Variants in CCDC73 observed in about 807,000 individuals in gnomAD.
The protein encoded by CCDC73 is coiled-coil domain-containing protein 73.
CCDC73 carries 95 observed loss-of-function variants against 116.5 expected under a neutral mutation model. The observed-to-expected ratio is 0.82, with a 90% confidence interval of 0.69 to 0.97. The LOEUF (loss-of-function observed/expected upper bound fraction) is 0.97, where lower values mean the gene tolerates loss of function less well. CCDC73 is among the 50% of genes least tolerant of loss of function. The pLI, the probability that CCDC73 is intolerant of heterozygous loss-of-function variation, is 0.00. For missense variants in CCDC73, 1,066 were observed against 1,206.8 expected, an observed-to-expected ratio of 0.88 and a Z score of 1.73; for synonymous variants, 398 against 401.3, an observed-to-expected ratio of 0.99 and a Z score of 0.10.
chr11:32,616,220 A>C (rs1855473769), intron 14 of CCDC73, 91 bp from the exon 15 acceptor site: 1 of 1,282,674 alleles, frequency 7.8e-7, no homozygotes, highest in African/African-American at 1.5e-5. Context: ...TCTGTGTTTC[A>C]GTTCAACCAT....
chr11:32,743,820 G>A (rs1850210736), intron 2 of CCDC73, among the ~76,000 whole-genome samples: 1 of 152,078 alleles, frequency 6.6e-6, no homozygotes, highest in African/African-American at 2.4e-5. Context: ...GAGATGATGG[G>A]GTTTTCTAAA....
chr11:32,744,674 G>A (rs187714008), intron 2 of CCDC73, among the ~76,000 whole-genome samples: 88 of 152,296 alleles, frequency 5.8e-4, no homozygotes, highest in Middle Eastern at 6.8e-3. Flanking sequence ...ATTTCTTCTA[G>A]ATTTTCTAGT....
At chr11:32,773,559 C>T (rs777315315) in intron 1 of CCDC73, among the ~76,000 whole-genome samples, 5 of 151,966 alleles carry the variant, frequency 3.3e-5, no homozygotes, top group Admixed American at 6.6e-5. Context: ...GCAGGAGGAT[C>T]ACTTGAATCC....
chr11:32,757,941 G>C (rs1850357628), intron 2 of CCDC73, among the ~76,000 whole-genome samples: 1 of 152,104 alleles, frequency 6.6e-6, no homozygotes, highest in African/African-American at 2.4e-5. Flanking sequence ...ATTAGGACAT[G>C]GACATGCTTG....
At chr11:32,680,255 A>C (rs1463874212) in intron 7 of CCDC73, 1 of 152,232 alleles carries the variant, frequency 6.6e-6, no homozygotes, top group Non-Finnish European at 1.5e-5. Context: ...ATTTTAAAGA[A>C]TACAAATAAA....
At chr11:32,736,964 A>C (rs1296968220) in intron 2 of CCDC73, among the ~76,000 whole-genome samples, 3 of 149,598 alleles carry the variant, frequency 2.0e-5, no homozygotes, top group Non-Finnish European at 4.4e-5. Flanking sequence ...ACACACATAT[A>C]CATATATATA....
At chr11:32,609,763 T>C (rs1278905600) in intron 17 of CCDC73, among the ~76,000 whole-genome samples, 2 of 152,044 alleles carry the variant, frequency 1.3e-5, no homozygotes, top group Non-Finnish European at 2.9e-5. Flanking sequence ...CTCATAATCA[T>C]GGTGGAAGGC....
chr11:32,623,905 T>C (rs1283111017), intron 14 of CCDC73, among the ~76,000 whole-genome samples: 2 of 152,140 alleles, frequency 1.3e-5, no homozygotes, highest in South Asian at 2.1e-4. Flanking sequence ...ATAAAATATG[T>C]TTAATAAAAC....
At chr11:32,810,011 G>T in the CCDC73 span, among the ~76,000 whole-genome samples, 2 of 152,188 alleles carry the variant, frequency 1.3e-5, no homozygotes, top group Non-Finnish European at 2.9e-5. Flanking sequence ...GGACACTGCA[G>T]ATATTTTGCT....
chr11:32,659,944 G>C (rs916722758), intron 9 of CCDC73, among the ~76,000 whole-genome samples: 1 of 152,038 alleles, frequency 6.6e-6, no homozygotes, highest in Non-Finnish European at 1.5e-5. Context: ...ACTACCTCTT[G>C]CTTGCCAGAA....
At chr11:32,610,334 T>A in intron 17 of CCDC73, among the ~76,000 whole-genome samples, 1 of 152,168 alleles carries the variant, frequency 6.6e-6, no homozygotes, top group Non-Finnish European at 1.5e-5. Context: ...CAAGGATAGT[T>A]CCTGATTTTT....
chr11:32,614,990 T>G, intron 15 of CCDC73, 48 bp from the exon 16 acceptor site: 2 of 1,121,868 alleles, frequency 1.8e-6, no homozygotes, highest in Non-Finnish European at 2.5e-6. Context: ...CACTAAAGGC[T>G]GATTTCATAA....
chr11:32,727,441 A>G (rs1032377428), intron 2 of CCDC73, among the ~76,000 whole-genome samples: 1 of 152,238 alleles, frequency 6.6e-6, no homozygotes, highest in African/African-American at 2.4e-5. Flanking sequence ...ATTTTGAACA[A>G]GACATAAAAT....
intron 2 of CCDC73, among the ~76,000 whole-genome samples, chr11:32,735,978 T>C (rs1850125973): frequency 6.6e-6 from 1 of 152,080 alleles, no homozygotes; most frequent in African/African-American, 2.4e-5. Context: ...TGAAACTGGA[T>C]CCCTTCCTTA....
intron 7 of CCDC73, chr11:32,682,359 G>A (rs1009702583): frequency 6.6e-6 from 1 of 151,728 alleles, no homozygotes; most frequent in African/African-American, 2.4e-5. Context: ...TTAAAATCAT[G>A]GTTTAAAATA....
intron 9 of CCDC73, among the ~76,000 whole-genome samples, chr11:32,661,791 G>A (rs1002482721): frequency 1.8e-4 from 27 of 148,366 alleles, no homozygotes; most frequent in Non-Finnish European, 3.6e-4. Flanking sequence ...CCATTAACTC[G>A]TCATTTAGCA....
At chr11:32,637,025 T>TTC (rs2133244648) in intron 13 of CCDC73, among the ~76,000 whole-genome samples, 1 of 142,156 alleles carries the variant, frequency 7.0e-6, no homozygotes, top group South Asian at 2.3e-4. Flanking sequence ...TTCTTTTTTT[T>TTC]TTTTTTTTTT....
chr11:32,822,936 AT>A, the CCDC73 span, among the ~76,000 whole-genome samples: 1 of 152,188 alleles, frequency 6.6e-6, no homozygotes, highest in African/African-American at 2.4e-5. Flanking sequence ...GGTTCAATAC[AT>A]GCCTCAAAAT....
the CCDC73 span, among the ~76,000 whole-genome samples, chr11:32,828,679 T>C: frequency 2.0e-5 from 3 of 152,220 alleles, no homozygotes; most frequent in South Asian, 2.1e-4. Flanking sequence ...GTCCACCTGC[T>C]GCCTTCATTA....
Sources: allele counts gnomAD v4.1 joint callset (sites outside exome capture counted in the v4.1 genomes callset), GRCh38; gene constraint gnomAD v4.1.1; transcripts MANE v1.5; gene names NCBI Gene and HGNC (gene_info 2026-07-23, HGNC 2026-07-21).